IQUB: variants seen among roughly 807,000 people sequenced by gnomAD.
IQUB encodes the protein IQ motif and ubiquitin-like domain-containing protein.
A neutral mutation model predicts 86.4 loss-of-function variants in IQUB; 86 were observed. That is an observed-to-expected ratio of 1.00 (90% CI 0.84 to 1.19). IQUB has a LOEUF of 1.19. Ranked by LOEUF, IQUB falls within the 50% of genes most tolerant of loss-of-function variation. The probability of loss-of-function intolerance (pLI) is 0.00; values close to 1 mark genes in which losing one functional copy is unlikely to be tolerated. For synonymous variants in IQUB, 289 were observed against 304.5 expected (o/e 0.95, Z 0.53); for missense variants, 946 against 916.9 (o/e 1.03, Z -0.41).
intron 1 of IQUB, among the ~76,000 whole-genome samples, chr7:123,528,560 G>C (rs1465231564): frequency 6.6e-6 from 1 of 152,090 alleles, no homozygotes; most frequent in Non-Finnish European, 1.5e-5. Context: ...CCACTTAACT[G>C]TGCTGTATCT....
chr7:123,499,019 T>C lies in IQUB; in HGVS notation c.1024-2113A>G, dbSNP rs1403585452. ...AAGAAAATTAGGTGAGAAAATCTTTTAGCATGCAGGACAAAGGCTCATAAA... is the reference window on the plus strand; with the variant it reads ...AAGAAAATTAGGTGAGAAAATCTTTCAGCATGCAGGACAAAGGCTCATAAA... On this transcript the variant is annotated intron_variant, in intron 6 of 12. Transcript: ENST00000324698. Among the ~76,000 whole-genome samples, 3 of 152,124 alleles carry C rather than the reference T, an allele frequency of 2.0e-5. No individual in the cohort carries two copies. In the East Asian group the frequency reaches 5.8e-4, roughly 29 times the overall value.
chr7:123,528,734 G>A (rs1223107527), intron 1 of IQUB, among the ~76,000 whole-genome samples: 1 of 152,174 alleles, frequency 6.6e-6, no homozygotes, highest in Non-Finnish European at 1.5e-5. Context: ...TAACAATTTT[G>A]CCATCAGATA....
intron 7 of IQUB, among the ~76,000 whole-genome samples, chr7:123,494,145 C>T (rs1795610781): frequency 6.6e-6 from 1 of 151,962 alleles, no homozygotes; most frequent in African/African-American, 2.4e-5. Context: ...GCCCTAGTGA[C>T]AATTCAGAAC....
chr7:123,527,536 C>G (rs1366751031), intron 1 of IQUB, among the ~76,000 whole-genome samples: 2 of 152,152 alleles, frequency 1.3e-5, no homozygotes, highest in East Asian at 1.9e-4. Context: ...TTCAAACAGA[C>G]AGGACCCTCG....
At chr7:123,528,960 G>GTT (rs1797392012) in intron 1 of IQUB, among the ~76,000 whole-genome samples, 1 of 151,982 alleles carries the variant, frequency 6.6e-6, no homozygotes, top group Non-Finnish European at 1.5e-5. Flanking sequence ...AAATAACAAA[G>GTT]TACACATATT....
At chr7:123,497,572 TGAGA>T (rs1175209031) in intron 6 of IQUB, among the ~76,000 whole-genome samples, 1 of 151,974 alleles carries the variant, frequency 6.6e-6, no homozygotes, top group Admixed American at 6.6e-5. Context: ...ATGATATAGC[TGAGA>T]GAGTTTATCA....
chr7:123,474,540 C>T (rs1024139823), intron 8 of IQUB, among the ~76,000 whole-genome samples: 1 of 152,088 alleles, frequency 6.6e-6, no homozygotes, highest in Admixed American at 6.5e-5. Context: ...TTATCTTAAT[C>T]GTCTTCTTAG....
In IQUB at chr7:123,469,238, C is replaced by G. The variant is rs149235052; in HGVS notation, c.1557G>C (p.Leu519=). Residue 519 remains leucine (L), a synonymous_variant, in exon 9 of 13, where the codon CTG becomes CTC. Coordinates refer to ENST00000324698, the MANE Select transcript of IQUB (RefSeq NM_178827.5). ...NISQDERLDV[L]LTLKHTVKEH... Reference sequence around the variant, plus strand: ...CCTTTACAGTGTGTTTAAGAGTTAACAGCACATCCAGCCTCTCATCTTGGG... The same window carrying G: ...CCTTTACAGTGTGTTTAAGAGTTAAGAGCACATCCAGCCTCTCATCTTGGG... 94 of 1,597,474 alleles carry G rather than the reference C, an allele frequency of 5.9e-5. No individual in the cohort carries two copies. In the African/African-American group the frequency reaches 1.0e-3, roughly 17 times the overall value.
At chr7:123,453,282 A>ATATATATATG (rs1440530619) in intron 12 of IQUB, among the ~76,000 whole-genome samples, 1 of 145,860 alleles carries the variant, frequency 6.9e-6, no homozygotes, top group Non-Finnish European at 1.5e-5. Flanking sequence ...ATATATATAT[A>ATATATATATG]TATTATTAAT....
chr7:123,498,073 GAA>G (rs112182877), intron 6 of IQUB, among the ~76,000 whole-genome samples: 1 of 141,196 alleles, frequency 7.1e-6, no homozygotes. Flanking sequence ...CACCCAGGAT[GAA>G]AAAAAAAAAG....
chr7:123,530,118 G>T (rs1342278963), intron 1 of IQUB, among the ~76,000 whole-genome samples: 1 of 152,076 alleles, frequency 6.6e-6, no homozygotes, highest in Non-Finnish European at 1.5e-5. Context: ...CTGAAACACG[G>T]ATCACTTGAA....
At chr7:123,527,713 T>C (rs1797313660) in intron 1 of IQUB, among the ~76,000 whole-genome samples, 1 of 152,148 alleles carries the variant, frequency 6.6e-6, no homozygotes, top group Non-Finnish European at 1.5e-5. Flanking sequence ...CACTGCTCTC[T>C]TCAAAGCTGT....
intron 1 of IQUB, among the ~76,000 whole-genome samples, chr7:123,533,549 T>C (rs769744409): frequency 3.0e-4 from 46 of 152,176 alleles, no homozygotes; most frequent in Non-Finnish European, 5.7e-4. Flanking sequence ...CTTATGAGAG[T>C]TTCCAAATTT....
At chr7:123,463,999 T>C (rs1794127029) in intron 10 of IQUB, among the ~76,000 whole-genome samples, 1 of 151,846 alleles carries the variant, frequency 6.6e-6, no homozygotes, top group African/African-American at 2.4e-5. Flanking sequence ...TAAAAATCAG[T>C]TTAAAAAATA....
intron 7 of IQUB, among the ~76,000 whole-genome samples, chr7:123,494,731 TGTAATATTTTA>T (rs1795637143): frequency 6.6e-6 from 1 of 152,118 alleles, no homozygotes; most frequent in African/African-American, 2.4e-5. Flanking sequence ...CTTTCATAAA[TGTAATATTTTA>T]TACTTTTTAC....
intron 1 of IQUB, among the ~76,000 whole-genome samples, chr7:123,524,878 A>G (rs921828691): frequency 1.1e-4 from 16 of 151,652 alleles, no homozygotes; most frequent in African/African-American, 3.6e-4. Context: ...ACGTCCCATC[A>G]ATACCTAATT....
At chr7:123,499,336 C>T (rs537197001) in intron 6 of IQUB, among the ~76,000 whole-genome samples, 11 of 152,236 alleles carry the variant, frequency 7.2e-5, no homozygotes, top group Admixed American at 5.2e-4. Context: ...TCTCCAACTC[C>T]TGGCCTCGAG....
chr7:123,511,017 C>A (rs1381477742), intron 2 of IQUB, among the ~76,000 whole-genome samples: 1 of 152,000 alleles, frequency 6.6e-6, no homozygotes, highest in Admixed American at 6.6e-5. Context: ...GACAGAAATA[C>A]CCAAAAATGA....
intron 8 of IQUB, among the ~76,000 whole-genome samples, chr7:123,476,756 G>T (rs946390791): frequency 2.6e-5 from 4 of 151,300 alleles, no homozygotes; most frequent in Non-Finnish European, 5.9e-5. Context: ...AGATAGGAAG[G>T]CCTATTTGAT....
Sources: gnomAD v4.1 joint callset for allele counts (sites outside exome capture counted in the v4.1 genomes callset) on GRCh38, gnomAD v4.1.1 for gene constraint, MANE v1.5 for transcripts, NCBI Gene and HGNC (gene_info 2026-07-23, HGNC 2026-07-21) for gene names.